USP17L1: variants seen among roughly 807,000 people sequenced by gnomAD.
The protein encoded by USP17L1 is ubiquitin carboxyl-terminal hydrolase 17-like protein 1.
USP17L1 carries 42 observed loss-of-function variants against 31.4 expected under a neutral mutation model. That is an observed-to-expected ratio of 1.34 (90% CI 1.05 to 1.73). The LOEUF (loss-of-function observed/expected upper bound fraction) is 1.73, where lower values mean the gene tolerates loss of function less well. USP17L1 is among the 40% of genes most tolerant of loss of function. The pLI is 0.00. For synonymous variants in USP17L1, 230 were observed against 194.4 expected, an observed-to-expected ratio of 1.18 and a Z score of -1.52; for missense variants, 576 against 495.8, an observed-to-expected ratio of 1.16 and a Z score of -1.54.
At chr8:7,333,521 G>T in the USP17L1 span, 1 of 1,522,040 alleles carries the variant, frequency 6.6e-7, no homozygotes, top group East Asian at 2.3e-5. Context: ...GAGTGAATGG[G>T]AAAGACACAG....
At position 7,333,435 on chromosome 8, in the gene USP17L1, A is replaced by C; in HGVS notation, c.1049A>C (p.Asp350Ala). The part of the protein sequence containing the change: ...KAQEVQWYKM[D>A]DAEVTVCSII... ...CAAGAAGTCCAGTGGTATAAAATGG[A>C]TGATGCCGAGGTCACTGTCTGTAGC... The change falls in exon 1 of 1, where the codon GAT becomes GCT. Residue 350 changes from aspartate to alanine, a missense_variant. Asp to Ala is a moderately radical substitution (Grantham distance 126). Coordinates refer to ENST00000529559, the MANE Select transcript of USP17L1 (RefSeq NM_001256873.1). 1 of 1,571,504 alleles carries C rather than the reference A, an allele frequency of 6.4e-7. No homozygotes were observed. The highest frequency in any genetic ancestry group is 8.6e-7 in the Non-Finnish European group (1 of 1,168,234).
Position 7,333,401 on chromosome 8 carries a change from G to T in USP17L1, c.1015G>T (p.Val339Phe), listed in dbSNP as rs1277891735. The change falls in exon 1 of 1, where the codon GTC (valine) becomes TTC (phenylalanine). Residue 339 changes from valine to phenylalanine, a missense_variant. By Grantham distance (50) the Val-to-Phe change is conservative (BLOSUM62 -1). Coordinates refer to ENST00000529559, the MANE Select transcript of USP17L1 (RefSeq NM_001256873.1). Reference sequence around the variant, plus strand: ...TCACGACGGACATTACTTCTCCTATGTCAAAGCTCAAGAAGTCCAGTGGTA... The same window carrying T: ...TCACGACGGACATTACTTCTCCTATTTCAAAGCTCAAGAAGTCCAGTGGTA... ...SCHDGHYFSYVKAQEVQWYKM... is the reference protein window; with the variant it reads ...SCHDGHYFSYFKAQEVQWYKM... 6.3e-7 allele frequency: 1 copy of T among 1,574,822 alleles called. No homozygotes were observed. The highest frequency in any genetic ancestry group is 1.7e-5 in the Admixed American group (1 of 59,226).
At position 7,333,358 on chromosome 8, in the gene USP17L1, C is replaced by G. The variant is rs778642668; in HGVS notation, c.972C>G (p.Val324=). The change falls in exon 1 of 1, where the codon GTC becomes GTG. Residue 324 remains valine (V), a synonymous_variant. Transcript: ENST00000529559. ...TCTATGTCCTCTATGCTGTGCTGGT[C>G]CACGCTGGGTGGAGTTGTCACGACG... ...PLVYVLYAVL[V]HAGWSCHDGH... The G allele has an allele frequency of 1.7e-5, 27 of 1,563,394 alleles. No individual in the cohort carries two copies. The highest frequency in any genetic ancestry group is 2.3e-5 in the Non-Finnish European group (27 of 1,164,258).
Position 7,333,033 on chromosome 8 carries a change from C to G in USP17L1, c.647C>G (p.Thr216Ser). The change falls in exon 1 of 1, where the codon ACT becomes AGT. Residue 216 changes from threonine (T) to serine (S), a missense_variant. Transcript: ENST00000529559. Reference protein sequence around the residue: ...KCLHCHGISDTFDPYLDIALD... With the variant: ...KCLHCHGISDSFDPYLDIALD... The stretch of plus-strand genomic sequence containing the variant: ...CTCCACTGCCACGGGATTTCAGACA[C>G]TTTTGACCCTTACCTGGACATCGCC... 1 of 1,135,850 alleles carries G rather than the reference C, an allele frequency of 8.8e-7. No homozygotes were observed. Among genetic ancestry groups the G allele is most frequent in the Non-Finnish European group, 1.2e-6 (1 of 808,850 alleles). The allele number at this position is 1,135,850 out of a possible 1,614,324, so 70.4% of individuals were successfully genotyped here.
chr8:7,333,102 AG>A, the USP17L1 span: 1 of 825,752 alleles, frequency 1.2e-6, no homozygotes, highest in Non-Finnish European at 1.9e-6. Flanking sequence ...GCTTTGGAAC[AG>A]TTGGTGAAGC....
In USP17L1 at chr8:7,332,493, C is replaced by G. The variant is rs1263785261; in HGVS notation, c.107C>G (p.Ser36Cys). The G allele has an allele frequency of 3.0e-5, 16 of 530,364 alleles. 1 individual carries two copies. The highest frequency in any genetic ancestry group is 4.4e-5 in the Non-Finnish European group (14 of 317,440). 32.9% of individuals were successfully genotyped at this position (530,364 alleles called of 1,614,324 possible). Residue 36 changes from serine (S) to cysteine (C), a missense_variant, in exon 1 of 1, where the codon TCT becomes TGT. Transcript: ENST00000529559. ...DAAFAEIQRT[S>C]LPEKSPLSSE... The stretch of plus-strand genomic sequence containing the variant: ...GCTTTTGCTGAAATCCAGCGGACTT[C>G]TCTCCCTGAGAAGTCACCACTCTCA...
rs752074727 is a variant in USP17L1 at position 7,333,549 on chromosome 8, G to T, written c.1163G>T (p.Gly388Val). 6.8e-6 allele frequency: 10 copies of T among 1,477,306 alleles called. No homozygotes were observed. Among genetic ancestry groups the T allele is most frequent in the Non-Finnish European group, 7.4e-6 (8 of 1,086,470 alleles). The allele number at this position is 1,477,306 out of a possible 1,614,324, so 91.5% of individuals were successfully genotyped here. Residue 388 changes from glycine to valine, a missense_variant, in exon 1 of 1, where the codon GGC becomes GTC. By Grantham distance (109) the Gly-to-Val change is moderately radical. Coordinates refer to ENST00000529559, the MANE Select transcript of USP17L1 (RefSeq NM_001256873.1). ...AGACACAGTGAGAGTGTGTCAAGAGGCAGGGAACCAAGAGCCCTCGGCGCT... is the reference window on the plus strand; with the variant it reads ...AGACACAGTGAGAGTGTGTCAAGAGTCAGGGAACCAAGAGCCCTCGGCGCT... ...WERHSESVSR[G>V]REPRALGAED...
rs753037464 is a variant in USP17L1 at position 7,333,160 on chromosome 8, C to A, written c.774C>A (p.Leu258=). The A allele has an allele frequency of 3.1e-5, 24 of 781,474 alleles. 1 individual carries two copies. The highest frequency in any genetic ancestry group is 1.0e-4 in the African/African-American group (3 of 28,988). 48.4% of individuals were successfully genotyped at this position (781,474 alleles called of 1,614,324 possible). A position where few individuals can be genotyped will look rare whatever the true frequency, so the allele number is the denominator to read the frequency against. ...GENAYHCGLC[L]QRAPASNTLT... ...ATGCCTATCATTGCGGTCTTTGTCT[C>A]CAGAGGGCGCCGGCCTCCAACACGT... Residue 258 remains leucine (L), a synonymous_variant, in exon 1 of 1, where the codon CTC becomes CTA. Coordinates refer to ENST00000529559, the MANE Select transcript of USP17L1 (RefSeq NM_001256873.1).
Position 7,333,550 on chromosome 8 carries a change from C to A in USP17L1, c.1164C>A (p.Gly388=). The A allele has an allele frequency of 6.8e-7, 1 of 1,477,102 alleles. No individual in the cohort carries two copies. Among genetic ancestry groups the A allele is most frequent in the Non-Finnish European group, 9.2e-7 (1 of 1,086,378 alleles). 91.5% of individuals were successfully genotyped at this position (1,477,102 alleles called of 1,614,324 possible). A position where few individuals can be genotyped will look rare whatever the true frequency, so the allele number is the denominator to read the frequency against. Residue 388 remains glycine, a synonymous_variant, in exon 1 of 1, where the codon GGC becomes GGA. Coordinates refer to ENST00000529559, the MANE Select transcript of USP17L1 (RefSeq NM_001256873.1). ...GACACAGTGAGAGTGTGTCAAGAGGCAGGGAACCAAGAGCCCTCGGCGCTG... is the reference window on the plus strand; with the variant it reads ...GACACAGTGAGAGTGTGTCAAGAGGAAGGGAACCAAGAGCCCTCGGCGCTG... ...WERHSESVSR[G]REPRALGAED... is the part of the protein sequence containing the mutation.
At chr8:7,333,086 A>T in the USP17L1 span, 1 of 857,066 alleles carries the variant, frequency 1.2e-6, no homozygotes, top group East Asian at 2.6e-5. Flanking sequence ...TCAGAGTGTC[A>T]AGCAAGCTTT....
chr8:7,333,108 T>C lies in USP17L1; in HGVS notation c.722T>C (p.Val241Ala). The C allele has an allele frequency of 1.2e-6, 1 of 828,802 alleles. No individual in the cohort carries two copies. The highest frequency in any genetic ancestry group is 1.4e-5 in the South Asian group (1 of 71,158). 51.3% of individuals were successfully genotyped at this position (828,802 alleles called of 1,614,324 possible). A position where few individuals can be genotyped will look rare whatever the true frequency, so the allele number is the denominator to read the frequency against. The stretch of plus-strand genomic sequence containing the variant: ...GTCAAGCAAGCTTTGGAACAGTTGG[T>C]GAAGCCCGAAGAACTCAATGGAGAG... ...QSVKQALEQL[V>A]KPEELNGENA... Residue 241 changes from valine (V) to alanine (A), a missense_variant, in exon 1 of 1, where the codon GTG becomes GCG. Transcript: ENST00000529559.
In USP17L1 at chr8:7,333,731, G is replaced by C. The variant is rs1315802342; in HGVS notation, c.1345G>C (p.Glu449Gln). 6.3e-7 allele frequency: 1 copy of C among 1,585,744 alleles called. No individual in the cohort carries two copies. Among genetic ancestry groups the C allele is most frequent in the Admixed American group, 1.7e-5 (1 of 59,262 alleles). The change falls in exon 1 of 1, where the codon GAG becomes CAG. Residue 449 changes from glutamate (E) to glutamine (Q), a missense_variant. Transcript: ENST00000529559. ...GCAAGAGCAAAACAAAACGAAGCCT[G>C]AGTTCAACGTCGGAAAAGTCGAAGG... ...FLQEQNKTKP[E>Q]FNVGKVEGTL...
Position 7,333,640 on chromosome 8 carries a change from C to A in USP17L1, c.1254C>A (p.Pro418=), listed in dbSNP as rs560367431. ...GAGACCACCCCTGCCTCCAGGCACC[C>A]GAGTTGGACGAGCACTTGGTGGAAA... ...LKRDHPCLQA[P]ELDEHLVERA... The change falls in exon 1 of 1, where the codon CCC becomes CCA. Residue 418 remains proline, a synonymous_variant. Transcript: ENST00000529559. 60 of 1,493,084 alleles carry A rather than the reference C, an allele frequency of 4.0e-5. 9 individuals carry two copies. The African/African-American group carries it at 6.5e-4, about 16-fold the overall frequency. 92.5% of individuals were successfully genotyped at this position (1,493,084 alleles called of 1,614,324 possible). A position where few individuals can be genotyped will look rare whatever the true frequency, so the allele number is the denominator to read the frequency against.
Position 7,333,439 on chromosome 8 carries a change from T to A in USP17L1, c.1053T>A (p.Asp351Glu), listed in dbSNP as rs1371521410. 6.4e-7 allele frequency: 1 copy of A among 1,570,826 alleles called. No individual in the cohort carries two copies. Among genetic ancestry groups the A allele is most frequent in the Admixed American group, 1.7e-5 (1 of 59,254 alleles). ...AQEVQWYKMD[D>E]AEVTVCSIIS... ...AAGTCCAGTGGTATAAAATGGATGA[T>A]GCCGAGGTCACTGTCTGTAGCATCA... The change falls in exon 1 of 1, where the codon GAT (aspartate) becomes GAA (glutamate). Residue 351 changes from aspartate to glutamate, a missense_variant. Asp to Glu is a conservative substitution (Grantham distance 45). Coordinates refer to ENST00000529559, the MANE Select transcript of USP17L1 (RefSeq NM_001256873.1).
Position 7,332,911 on chromosome 8 carries a change from A to G in USP17L1, c.525A>G (p.Ala175=), listed in dbSNP as rs528228643. ...LMFTVDAMKK[A]CLPGHKQVDH... Reference sequence around the variant, plus strand: ...TCACTGTGGATGCCATGAAAAAGGCATGCCTTCCCGGCCACAAGCAGGTAG... The same window carrying G: ...TCACTGTGGATGCCATGAAAAAGGCGTGCCTTCCCGGCCACAAGCAGGTAG... Residue 175 remains alanine (A), a synonymous_variant, in exon 1 of 1, where the codon GCA becomes GCG. Coordinates refer to ENST00000529559, the MANE Select transcript of USP17L1 (RefSeq NM_001256873.1). The G allele has an allele frequency of 9.2e-6, 14 of 1,526,512 alleles. 1 individual carries two copies. In the East Asian group the frequency reaches 3.0e-4, roughly 33 times the overall value. The allele number at this position is 1,526,512 out of a possible 1,614,324, so 94.6% of individuals were successfully genotyped here.
At position 7,333,227 on chromosome 8, in the gene USP17L1, A is replaced by G. The variant is rs1368441192; in HGVS notation, c.841A>G (p.Lys281Glu). 2.1e-6 allele frequency: 2 copies of G among 933,842 alleles called. No individual in the cohort carries two copies. The highest frequency in any genetic ancestry group is 3.3e-6 in the Non-Finnish European group (2 of 610,642). 57.8% of individuals were successfully genotyped at this position (933,842 alleles called of 1,614,324 possible). A position where few individuals can be genotyped will look rare whatever the true frequency, so the allele number is the denominator to read the frequency against. ...TSAKVLILVL[K>E]RFSDVAGNKL... ...TGCCAAGGTCCTCATCCTTGTCTTG[A>G]AGAGATTCTCCGATGTCGCAGGCAA... Residue 281 changes from lysine to glutamate, a missense_variant, in exon 1 of 1, where the codon AAG becomes GAG. Lys to Glu is a moderately conservative substitution (Grantham distance 56). Transcript: ENST00000529559.
rs768661294 is a variant in USP17L1, at chr8:7,333,507, A to C, written c.1121A>C (p.Gln374Pro). Residue 374 changes from glutamine (Q) to proline (P), a missense_variant, in exon 1 of 1, where the codon CAG (glutamine) becomes CCG (proline). Coordinates refer to ENST00000529559, the MANE Select transcript of USP17L1 (RefSeq NM_001256873.1). ...CAGGCCTATGTCCTCTTTTACATCC[A>C]GAAGAGTGAATGGGAAAGACACAGT... ...SQQAYVLFYI[Q>P]KSEWERHSES... The C allele has an allele frequency of 6.5e-6, 10 of 1,544,108 alleles. No individual in the cohort carries two copies. Among genetic ancestry groups the C allele is most frequent in the Non-Finnish European group, 8.7e-6 (10 of 1,143,714 alleles).
rs748729672 is a variant in USP17L1 at position 7,333,418 on chromosome 8, C to G, written c.1032C>G (p.Val344=). Residue 344 remains valine, a synonymous_variant, in exon 1 of 1, where the codon GTC becomes GTG. Transcript: ENST00000529559. The stretch of plus-strand genomic sequence containing the variant: ...TCTCCTATGTCAAAGCTCAAGAAGT[C>G]CAGTGGTATAAAATGGATGATGCCG... ...HYFSYVKAQE[V]QWYKMDDAEV... The G allele has an allele frequency of 4.4e-6, 7 of 1,573,524 alleles. No homozygotes were observed. The highest frequency in any genetic ancestry group is 1.9e-4 in the Middle Eastern group (1 of 5,182).
In USP17L1 at chr8:7,333,972, G is replaced by A; in HGVS notation, c.1586G>A (p.Cys529Tyr). The change falls in exon 1 of 1, where the codon TGC becomes TAC. Residue 529 changes from cysteine (C) to tyrosine (Y), a missense_variant. By Grantham distance (194) the Cys-to-Tyr change is radical. Coordinates refer to ENST00000529559, the MANE Select transcript of USP17L1 (RefSeq NM_001256873.1). ...CACAGCAAGAGGGCTCTGCTTGTGT[G>A]CCAGTGATCTCAGTGGAAGTGCCGA... ...NKHSKRALLV[C>Y]Q The A allele has an allele frequency of 6.3e-6, 10 of 1,583,316 alleles. 1 individual carries two copies. The highest frequency in any genetic ancestry group is 6.8e-6 in the Non-Finnish European group (8 of 1,175,282).
Sources: allele counts gnomAD v4.1 joint callset, GRCh38; gene constraint gnomAD v4.1.1; transcripts MANE v1.5; gene names NCBI Gene and HGNC (gene_info 2026-07-23, HGNC 2026-07-21).